LCAT: variants seen among roughly 807,000 people sequenced by gnomAD.
LCAT encodes the protein lecithin-cholesterol acyltransferase.
Under a neutral mutation model 41.0 loss-of-function variants are expected in LCAT, and 15 were observed. The observed-to-expected ratio is 0.37, with a 90% confidence interval of 0.24 to 0.56. LCAT has a LOEUF of 0.56. Ranked by LOEUF, LCAT falls within the 20% of genes least tolerant of loss-of-function variation. The probability of loss-of-function intolerance (pLI) is 0.81; values close to 1 mark genes in which losing one functional copy is unlikely to be tolerated. For missense variants in LCAT, 449 were observed against 595.1 expected, an observed-to-expected ratio of 0.75 and a Z score of 2.55; for synonymous variants, 248 against 245.4, an observed-to-expected ratio of 1.01 and a Z score of -0.10.
In LCAT at chr16:67,942,902, T is replaced by C; in HGVS notation, c.386A>G (p.Lys129Arg). ...GVQIRVPGFG[K>R]TYSVEYLDSS... ...GTCCAGGTACTCCACAGAGTAGGTC[T>C]TGCCAAAGCCAGGGACGCGGATCTG... is the stretch of plus-strand genomic sequence containing the variant. Residue 129 changes from lysine to arginine, a missense_variant, in exon 3 of 6, where the codon AAG (lysine) becomes AGG (arginine). Coordinates refer to ENST00000264005, the MANE Select transcript of LCAT (RefSeq NM_000229.2). This position sits in a 1 kb window ranked among gnomAD's most constrained non-coding sequence, Gnocchi z 6.6. 4.3e-6 allele frequency: 7 copies of C among 1,613,872 alleles called. No homozygotes were observed. Among genetic ancestry groups the C allele is most frequent in the Non-Finnish European group, 5.9e-6 (7 of 1,179,974 alleles).
chr16:67,943,403 T>C lies in LCAT; in HGVS notation c.155-191A>G, dbSNP rs2151321515. The C allele has an allele frequency of 3.4e-6, 2 of 590,622 alleles. No homozygotes were observed. The highest frequency in any genetic ancestry group is 3.5e-5 in the South Asian group (2 of 56,464). The allele number at this position is 590,622 out of a possible 1,614,324, so 36.6% of individuals were successfully genotyped here. A position where few individuals can be genotyped will look rare whatever the true frequency, so the allele number is the denominator to read the frequency against. On this transcript the variant is annotated intron_variant, in intron 1 of 5. Coordinates refer to ENST00000264005, the MANE Select transcript of LCAT (RefSeq NM_000229.2). The surrounding 1 kb of genome is among the most constrained non-coding windows in gnomAD (Gnocchi z 4.6). ...TCCCCCCAGTAGCCAAAGCCCAGGC[T>C]TCCCTGAGGAAGGGAAGGCGCTGAG...
chr16:67,941,946 CCACTCCCTAGGGAAG>C, intron 5 of LCAT: 1 of 1,177,994 alleles, frequency 8.5e-7, no homozygotes, highest in Non-Finnish European at 1.1e-6. Flanking sequence ...GGCCCTGGTG[CCACTCCCTAGGGAAG>C]AGCAGGTGGG....
At position 67,939,827 on chromosome 16, in the gene LCAT, A is replaced by T; in HGVS notation, c.*77T>A. The T allele has an allele frequency of 1.9e-6, 3 of 1,562,872 alleles. No individual in the cohort carries two copies. In the South Asian group the frequency reaches 3.7e-5, roughly 19 times the overall value. On this transcript the variant is annotated 3_prime_UTR_variant, in exon 6 of 6. Coordinates refer to ENST00000264005, the MANE Select transcript of LCAT (RefSeq NM_000229.2). ...TGAGCCTGTGGCTGGTGAGGAGTGA[A>T]ACCTAGTGTGGGACTCTAGTGCCTC... is the stretch of plus-strand genomic sequence containing the variant.
In LCAT at chr16:67,942,256, A is replaced by T; in HGVS notation, c.748+107T>A. 1 of 1,335,320 alleles carries T rather than the reference A, an allele frequency of 7.5e-7. No individual in the cohort carries two copies. The highest frequency in any genetic ancestry group is 1.1e-6 in the Non-Finnish European group (1 of 950,208). The allele number at this position is 1,335,320 out of a possible 1,614,324, so 82.7% of individuals were successfully genotyped here. On this transcript the variant is annotated intron_variant, in intron 5 of 5. Coordinates refer to ENST00000264005, the MANE Select transcript of LCAT (RefSeq NM_000229.2). The surrounding 1 kb of genome is among the most constrained non-coding windows in gnomAD (Gnocchi z 6.6). The stretch of plus-strand genomic sequence containing the variant: ...GCAAGCATGCCAGCCCAGGAGTGGT[A>T]GATAGCACCCCTAGAGGCCACTGTG...
rs11860141 is a variant in LCAT at position 67,943,638 on chromosome 16, G to C, written c.154+310C>G. The C allele has an allele frequency of 0.016, 8,203 of 520,190 alleles. 402 individuals carry two copies. The highest frequency in any genetic ancestry group is 0.12 in the African/African-American group (6,534 of 52,446). The allele number at this position is 520,190 out of a possible 1,614,324, so 32.2% of individuals were successfully genotyped here. ...GTGGGTGGGGGCCAAGGAAGGAGTG[G>C]TGGGGCTTGGCCCAGAGTCTGGTGT... On this transcript the variant is annotated intron_variant, in intron 1 of 5. Coordinates refer to ENST00000264005, the MANE Select transcript of LCAT (RefSeq NM_000229.2). The surrounding 1 kb of genome is among the most constrained non-coding windows in gnomAD (Gnocchi z 4.6).
rs138943456 is a variant in LCAT, at chr16:67,940,210, G to A, written c.1017C>T (p.Tyr339=). ...PAPGVEVYCL[Y]GVGLPTPRTY... is the part of the protein sequence containing the mutation. ...TGCGGGGCGTGGGCAGGCCCACGCCGTAAAGACAGTATACTTCCACACCAG... is the reference window on the plus strand; with the variant it reads ...TGCGGGGCGTGGGCAGGCCCACGCCATAAAGACAGTATACTTCCACACCAG... The change falls in exon 6 of 6, where the codon TAC becomes TAT. Residue 339 remains tyrosine, a synonymous_variant. Transcript: ENST00000264005. 7.4e-5 allele frequency: 120 copies of A among 1,612,722 alleles called. No individual in the cohort carries two copies. Among genetic ancestry groups the A allele is most frequent in the African/African-American group, 5.6e-4 (42 of 74,930 alleles).
Position 67,943,911 on chromosome 16 carries a change from T to C in LCAT, c.154+37A>G, listed in dbSNP as rs1003800705. ...GGGCTGGGGCCCAGGCTCCCCAGGGTCTGGCGTGGTGCATCAGGGGCCTGG... is the reference window on the plus strand; with the variant it reads ...GGGCTGGGGCCCAGGCTCCCCAGGGCCTGGCGTGGTGCATCAGGGGCCTGG... On this transcript the variant is annotated intron_variant, in intron 1 of 5. Transcript: ENST00000264005. The surrounding 1 kb of genome is among the most constrained non-coding windows in gnomAD (Gnocchi z 4.6). 120 of 1,518,824 alleles carry C rather than the reference T, an allele frequency of 7.9e-5. No individual in the cohort carries two copies. The highest frequency in any genetic ancestry group is 9.9e-5 in the Non-Finnish European group (112 of 1,126,530). 94.1% of individuals were successfully genotyped at this position (1,518,824 alleles called of 1,614,324 possible).
Position 67,940,200 on chromosome 16 carries a change from G to T in LCAT, c.1027C>A (p.Leu343Met), listed in dbSNP as rs772762775. 1.9e-6 allele frequency: 3 copies of T among 1,612,750 alleles called. No individual in the cohort carries two copies. Among genetic ancestry groups the T allele is most frequent in the Non-Finnish European group, 2.5e-6 (3 of 1,179,982 alleles). Residue 343 changes from leucine to methionine, a missense_variant, in exon 6 of 6, where the codon CTG becomes ATG. By Grantham distance (15) the Leu-to-Met change is conservative. Transcript: ENST00000264005. ...TAGATGTAGGTGCGGGGCGTGGGCA[G>T]GCCCACGCCGTAAAGACAGTATACT... ...VEVYCLYGVG[L>M]PTPRTYIYDH...
In LCAT at chr16:67,940,517, T is replaced by G. The variant is rs1449247060; in HGVS notation, c.749-39A>C. 11 of 1,609,890 alleles carry G rather than the reference T, an allele frequency of 6.8e-6. No individual in the cohort carries two copies. The East Asian group carries it at 2.5e-4, about 36-fold the overall frequency. ...GCAAGGTGGGACAGGGAGCCAGGCC[T>G]GGCTACCCCTGGCCCACAACCTGCT... is the stretch of plus-strand genomic sequence containing the variant. On this transcript the variant is annotated intron_variant, in intron 5 of 5. Transcript: ENST00000264005.
intron 5 of LCAT, chr16:67,941,452 T>C (rs925898983): frequency 4.0e-5 from 7 of 174,276 alleles, no homozygotes; most frequent in Non-Finnish European, 7.9e-5. Flanking sequence ...CAAGACCTCA[T>C]CTCTACTAAA....
Position 67,942,759 on chromosome 16 carries a change from C to T in LCAT, c.435G>A (p.Leu145=), listed in dbSNP as rs781120479. The T allele has an allele frequency of 6.2e-7, 1 of 1,612,934 alleles. No individual in the cohort carries two copies. The highest frequency in any genetic ancestry group is 1.1e-5 in the South Asian group (1 of 91,088). ...YLDSSKLAGY[L]HTLVQNLVNN... Reference sequence around the variant, plus strand: ...TGACCAGGTTCTGCACCAGTGTGTGCAGGTACCCTGTGGGGGGACCAGCAG... The same window carrying T: ...TGACCAGGTTCTGCACCAGTGTGTGTAGGTACCCTGTGGGGGGACCAGCAG... The change falls in exon 4 of 6, where the codon CTG becomes CTA. Residue 145 remains leucine (L), a synonymous_variant. Transcript: ENST00000264005. This position sits in a 1 kb window ranked among gnomAD's most constrained non-coding sequence, Gnocchi z 6.6.
chr16:67,944,031 G>T lies in LCAT; in HGVS notation c.71C>A (p.Pro24His). The T allele has an allele frequency of 6.5e-7, 1 of 1,547,788 alleles. No individual in the cohort carries two copies. Among genetic ancestry groups the T allele is most frequent in the Non-Finnish European group, 8.7e-7 (1 of 1,145,730 alleles). The part of the protein sequence containing the change: ...LLGLLLPPAA[P>H]FWLLNVLFPP... ...GAAGAGCACATTGAGGAGCCAGAAG[G>T]GGGCGGCAGGAGGGAGCAGCAGCCC... Residue 24 changes from proline (P) to histidine (H), a missense_variant, in exon 1 of 6, where the codon CCC becomes CAC. Coordinates refer to ENST00000264005, the MANE Select transcript of LCAT (RefSeq NM_000229.2). This position sits in a 1 kb window ranked among gnomAD's most constrained non-coding sequence, Gnocchi z 6.6.
Sources: allele counts gnomAD v4.1 joint callset, GRCh38; gene constraint gnomAD v4.1.1; non-coding constraint Gnocchi (gnomAD v3.1); transcripts MANE v1.5; gene names NCBI Gene and HGNC (gene_info 2026-07-23, HGNC 2026-07-21).